Variants in STX18 observed in about 807,000 individuals in gnomAD.
STX18 encodes syntaxin 18.
Under a neutral mutation model 50.1 loss-of-function variants are expected in STX18, and 40 were observed. The ratio of observed to expected loss-of-function variants is 0.80; its 90% CI spans 0.62 to 1.04. STX18 has a LOEUF of 1.04. Ranked by LOEUF, STX18 falls within the 50% of genes least tolerant of loss-of-function variation. The pLI, the probability that STX18 is intolerant of heterozygous loss-of-function variation, is 0.00. For synonymous variants in STX18, 158 were observed against 151.8 expected, an observed-to-expected ratio of 1.04 and a Z score of -0.30; for missense variants, 410 against 415.8, an observed-to-expected ratio of 0.99 and a Z score of 0.12.
intron 1 of STX18, among the ~76,000 whole-genome samples, chr4:4,515,165 T>C (rs1730192495): frequency 6.6e-6 from 1 of 152,024 alleles, no homozygotes; most frequent in Non-Finnish European, 1.5e-5. Flanking sequence ...CCTAAATGAA[T>C]AAAACTTTAA....
intron 1 of STX18, among the ~76,000 whole-genome samples, chr4:4,481,290 A>G (rs1265619757): frequency 6.6e-6 from 1 of 152,200 alleles, no homozygotes; most frequent in Non-Finnish European, 1.5e-5. Context: ...CCAGGATGAT[A>G]GAAATTCTGT....
In STX18 at chr4:4,532,595, T is replaced by C. The variant is rs1731153123; in HGVS notation, c.168+9202A>G. Among the ~76,000 whole-genome samples, 4 of 152,164 alleles carry C rather than the reference T, an allele frequency of 2.6e-5. No individual in the cohort carries two copies. The South Asian group carries it at 6.2e-4, about 24-fold the overall frequency. ...CTTTCAGATAAAGAGTACTGAGTCA[T>C]GCAACCATCTCATTGAAAAGGTCCT... is the stretch of plus-strand genomic sequence containing the variant. On this transcript the variant is annotated intron_variant, in intron 1 of 10. Transcript: ENST00000306200.
chr4:4,439,580 T>TAC lies in STX18; in HGVS notation c.498-1073_498-1072dup, dbSNP rs1428379699. On this transcript the variant is annotated intron_variant, in intron 5 of 10. Coordinates refer to ENST00000306200, the MANE Select transcript of STX18 (RefSeq NM_016930.4). ...CATATATACCCCCTACCCATATATATACACACACACACCCCCACACACATA... is the reference window on the plus strand; with the variant it reads ...CATATATACCCCCTACCCATATATATACACACACACACACCCCCACACACATA... 9.6e-5 allele frequency among the ~76,000 whole-genome samples: 11 copies of TAC among 114,888 alleles called. No individual in the cohort carries two copies. In the Admixed American group the frequency reaches 1.0e-3, roughly 11 times the overall value. The allele number at this position is 114,888 out of a possible 152,430, so 75.4% of individuals were successfully genotyped here.
At chr4:4,431,632 A>T (rs1425606835) in intron 7 of STX18, among the ~76,000 whole-genome samples, 1 of 151,480 alleles carries the variant, frequency 6.6e-6, no homozygotes, top group Admixed American at 6.6e-5. Flanking sequence ...GCCCATAGAC[A>T]CCTCTCATGA....
chr4:4,462,469 T>C (rs2108823538), intron 2 of STX18, among the ~76,000 whole-genome samples: 1 of 152,328 alleles, frequency 6.6e-6, no homozygotes. Flanking sequence ...CCAAAGCCCA[T>C]GCTCTTTCAC....
At chr4:4,447,795 A>T (rs1372898358) in intron 5 of STX18, among the ~76,000 whole-genome samples, 1 of 152,184 alleles carries the variant, frequency 6.6e-6, no homozygotes, top group Non-Finnish European at 1.5e-5. Context: ...AACAAAAGGC[A>T]GAATGGTTAA....
At chr4:4,468,218 T>C (rs1327885155) in intron 2 of STX18, among the ~76,000 whole-genome samples, 2 of 152,194 alleles carry the variant, frequency 1.3e-5, no homozygotes, top group Non-Finnish European at 2.9e-5. Context: ...GAATACAGCC[T>C]TGAAACGTAC....
chr4:4,462,133 T>C (rs1006983247), intron 2 of STX18, among the ~76,000 whole-genome samples: 6 of 152,176 alleles, frequency 3.9e-5, no homozygotes, highest in African/African-American at 1.4e-4. Context: ...GGGTCTCCAC[T>C]GTGTTGATCT....
At chr4:4,488,994 C>T (rs1002576713) in intron 1 of STX18, among the ~76,000 whole-genome samples, 2 of 152,182 alleles carry the variant, frequency 1.3e-5, no homozygotes, top group Non-Finnish European at 2.9e-5. Flanking sequence ...TTAATCTCAA[C>T]TGCTTTGTTA....
chr4:4,541,450 T>C (rs1179646441), intron 1 of STX18, among the ~76,000 whole-genome samples: 2 of 152,152 alleles, frequency 1.3e-5, no homozygotes, highest in Non-Finnish European at 1.5e-5. Context: ...AGCGAAGGAC[T>C]GTCAGGAGGT....
intron 1 of STX18, among the ~76,000 whole-genome samples, chr4:4,520,095 AAGT>A (rs1221039982): frequency 6.6e-6 from 1 of 152,238 alleles, no homozygotes. Flanking sequence ...AAGAGAATTG[AAGT>A]GAAATAAACA....
chr4:4,447,261 T>C (rs371734924), intron 5 of STX18, among the ~76,000 whole-genome samples: 2 of 152,006 alleles, frequency 1.3e-5, no homozygotes, highest in African/African-American at 2.4e-5. Flanking sequence ...AAATGACAAA[T>C]AGCAAAATTT....
At chr4:4,536,547 G>A (rs1360554180) in intron 1 of STX18, among the ~76,000 whole-genome samples, 3 of 152,226 alleles carry the variant, frequency 2.0e-5, no homozygotes, top group Non-Finnish European at 4.4e-5. Context: ...TAGGAGAAAA[G>A]TGTTCCAGGT....
chr4:4,505,452 C>T (rs1331581631), intron 1 of STX18, among the ~76,000 whole-genome samples: 2 of 152,106 alleles, frequency 1.3e-5, no homozygotes, highest in African/African-American at 2.4e-5. Flanking sequence ...TCATACCGCA[C>T]ATTGCTAGCC....
At chr4:4,475,949 T>C (rs1050722146) in intron 1 of STX18, among the ~76,000 whole-genome samples, 2 of 152,212 alleles carry the variant, frequency 1.3e-5, no homozygotes, top group Non-Finnish European at 2.9e-5. Context: ...TGTTTCCACA[T>C]GCAGTGCTAA....
chr4:4,504,602 A>G (rs1729609275), intron 1 of STX18, among the ~76,000 whole-genome samples: 1 of 152,232 alleles, frequency 6.6e-6, no homozygotes, highest in African/African-American at 2.4e-5. Context: ...GAATGTATAA[A>G]GTACTCTCAA....
intron 6 of STX18, among the ~76,000 whole-genome samples, chr4:4,437,812 G>A (rs369900277): frequency 2.0e-5 from 3 of 152,334 alleles, no homozygotes; most frequent in East Asian, 3.9e-4. Flanking sequence ...CACACAGATC[G>A]CAGACATCCA....
At chr4:4,463,587 T>C (rs1469247642) in intron 2 of STX18, among the ~76,000 whole-genome samples, 1 of 152,202 alleles carries the variant, frequency 6.6e-6, no homozygotes, top group Non-Finnish European at 1.5e-5. Context: ...AAGTGATTTG[T>C]ATGAAAGATA....
intron 1 of STX18, among the ~76,000 whole-genome samples, chr4:4,506,739 TAG>T (rs1729725587): frequency 6.6e-6 from 1 of 152,192 alleles, no homozygotes; most frequent in Admixed American, 6.5e-5. Context: ...ACAAATTAGG[TAG>T]AGTTAGAGAA....
Sources: allele counts gnomAD v4.1 joint callset (sites outside exome capture counted in the v4.1 genomes callset), GRCh38; gene constraint gnomAD v4.1.1; transcripts MANE v1.5; gene names NCBI Gene and HGNC (gene_info 2026-07-23, HGNC 2026-07-21).